USP6: variants seen among roughly 807,000 people sequenced by gnomAD.
USP6 encodes the protein ubiquitin carboxyl-terminal hydrolase 6.
USP6 carries 128 observed loss-of-function variants against 175.7 expected under a neutral mutation model. The ratio of observed to expected loss-of-function variants is 0.73; its 90% confidence interval spans 0.63 to 0.84. The LOEUF (loss-of-function observed/expected upper bound fraction) is 0.84, where lower values mean the gene tolerates loss of function less well. Ranked by LOEUF, USP6 falls within the 40% of genes least tolerant of loss-of-function variation. The probability of loss-of-function intolerance (pLI) is 0.00; values close to 1 mark genes in which losing one functional copy is unlikely to be tolerated. For missense variants in USP6, 1,498 were observed against 1,760.3 expected, an observed-to-expected ratio of 0.85 and a Z score of 2.67; for synonymous variants, 562 against 630.6, an observed-to-expected ratio of 0.89 and a Z score of 1.63.
chr17:5,139,534 CAA>C lies in USP6; in HGVS notation c.1359_1360del (p.Met454AlafsTer18). ...TCCTGGAGATTCCTGGAGTGGAAGTCAATGCCCCGGCTCCCAACGGACCTGGA... is the reference window on the plus strand; with the variant it reads ...TCCTGGAGATTCCTGGAGTGGAAGTCTGCCCCGGCTCCCAACGGACCTGGA... On this transcript the variant is annotated frameshift_variant, in exon 22 of 38. Transcript: ENST00000574788. LOFTEE classifies it high-confidence loss of function. 6.2e-7 allele frequency: 1 copy of C among 1,613,844 alleles called. No homozygotes were observed.
At chr17:5,129,873 A>G in intron 8 of USP6, 63 bp from the exon 9 acceptor site, 1 of 173,422 alleles carries the variant, frequency 5.8e-6, no homozygotes, top group South Asian at 1.4e-4. Flanking sequence ...CTGAAGGGCC[A>G]TGGTAGCCCA....
At chr17:5,130,850 G>A (rs910222019) in intron 11 of USP6, among the ~76,000 whole-genome samples, 166 bp downstream of exon 11, 4 of 152,190 alleles carry the variant, frequency 2.6e-5, no homozygotes, top group African/African-American at 4.8e-5. Context: ...GGTCCAGCCC[G>A]AGGTTGTTGT....
chr17:5,142,547 T>C (rs1366516129), intron 25 of USP6, 45 bp downstream of exon 25: 1 of 1,554,386 alleles, frequency 6.4e-7, no homozygotes, highest in Admixed American at 1.9e-5. Flanking sequence ...TCCTAAATAG[T>C]TGTTTAATCA....
intron 2 of USP6, 120 bp from the exon 3 acceptor site, chr17:5,120,507 C>T (rs1476352922): frequency 6.0e-6 from 2 of 334,040 alleles, no homozygotes; most frequent in African/African-American, 4.3e-5. Context: ...GTTGGCCTAT[C>T]TGTGTCTGTC....
chr17:5,140,208 A>C (rs1229942593), intron 22 of USP6, among the ~76,000 whole-genome samples: 1 of 152,216 alleles, frequency 6.6e-6, no homozygotes, highest in African/African-American at 2.4e-5. Flanking sequence ...AAGGCACTAC[A>C]GTGTCCTCCT....
intron 6 of USP6, among the ~76,000 whole-genome samples, chr17:5,126,321 T>C (rs2072893731): frequency 1.3e-5 from 2 of 152,146 alleles, no homozygotes; most frequent in Non-Finnish European, 2.9e-5. Context: ...GTCGGTTTTT[T>C]ATGGATCCTT....
At chr17:5,117,555 A>T (rs1364862897) in intron 1 of USP6, among the ~76,000 whole-genome samples, 4 of 151,946 alleles carry the variant, frequency 2.6e-5, no homozygotes, top group Non-Finnish European at 5.9e-5. Flanking sequence ...TTTACAGCAC[A>T]AGTGAATAAA....
At position 5,173,037 on chromosome 17, in the gene USP6, A is replaced by G. The variant is rs1057128050; in HGVS notation, c.*59A>G. 4.4e-6 allele frequency: 7 copies of G among 1,574,838 alleles called. No homozygotes were observed. Among genetic ancestry groups the G allele is most frequent in the Non-Finnish European group, 6.1e-6 (7 of 1,155,768 alleles). The stretch of plus-strand genomic sequence containing the variant: ...CGAGGGAGATGACTCCTTGTAGCTG[A>G]TACTTGGCAAAAGTGTCACTGAAAG... On this transcript the variant is annotated 3_prime_UTR_variant, in exon 38 of 38. Transcript: ENST00000574788.
intron 15 of USP6, chr17:5,134,242 C>A (rs1482787265): frequency 7.7e-6 from 4 of 518,882 alleles, no homozygotes; most frequent in Non-Finnish European, 1.4e-5. Context: ...CAAAGAAAAT[C>A]ACACGCAATG....
intron 19 of USP6, 29 bp downstream of exon 19, chr17:5,137,215 A>T (rs1485931375): frequency 6.2e-6 from 10 of 1,610,046 alleles, no homozygotes; most frequent in African/African-American, 1.3e-5. Flanking sequence ...ACCCTGGCTC[A>T]GGGACCCTCC....
At chr17:5,141,980 G>C in intron 23 of USP6, 23 bp from the exon 24 acceptor site, 1 of 1,602,320 alleles carries the variant, frequency 6.2e-7, no homozygotes, top group Non-Finnish European at 8.5e-7. Flanking sequence ...GCTAAGCTTT[G>C]GTTCTCATAT....
At chr17:5,172,314 G>A (rs972913292) in intron 37 of USP6, among the ~76,000 whole-genome samples, 4 of 152,128 alleles carry the variant, frequency 2.6e-5, no homozygotes, top group African/African-American at 9.7e-5. Context: ...GGCGGATCAT[G>A]AGGTCAGGAG....
chr17:5,121,435 G>A lies in USP6; in HGVS notation c.-1614G>A, dbSNP rs566469813. ...AGAGGCCCTGCAGAGCGGCAGGATA[G>A]AGATATGGAGCTCTACATCTCTGTG... On this transcript the variant is annotated 5_prime_UTR_variant, in exon 4 of 38. Coordinates refer to ENST00000574788, the MANE Select transcript of USP6 (RefSeq NM_001304284.2). 6.4e-5 allele frequency: 20 copies of A among 312,332 alleles called. No individual in the cohort carries two copies. Among genetic ancestry groups the A allele is most frequent in the South Asian group, 4.5e-4 (15 of 33,408 alleles). The allele number at this position is 312,332 out of a possible 1,614,324, so 19.3% of individuals were successfully genotyped here.
At chr17:5,153,192 A>T (rs1471069657) in intron 30 of USP6, among the ~76,000 whole-genome samples, 5 of 152,174 alleles carry the variant, frequency 3.3e-5, no homozygotes, top group Non-Finnish European at 7.3e-5. Flanking sequence ...GATTTGGAGG[A>T]AGCAAATGGG....
At chr17:5,127,814 A>G (rs536927874) in intron 7 of USP6, among the ~76,000 whole-genome samples, 175 bp downstream of exon 7, 37 of 152,360 alleles carry the variant, frequency 2.4e-4, no homozygotes, top group African/African-American at 8.9e-4. Flanking sequence ...CATTATGTGT[A>G]ATACAATGCA....
intron 37 of USP6, 42 bp from the exon 38 acceptor site, chr17:5,172,752 TTAGAGTCATAA>T (rs2074254733): frequency 6.2e-7 from 1 of 1,604,112 alleles, no homozygotes; most frequent in Non-Finnish European, 8.5e-7. Flanking sequence ...TGGCAAGGAT[TTAGAGTCATAA>T]TAGTGATGGC....
chr17:5,167,410 A>G (rs114377427), intron 33 of USP6, among the ~76,000 whole-genome samples: 115 of 152,374 alleles, frequency 7.5e-4, no homozygotes, highest in African/African-American at 2.7e-3. Flanking sequence ...AAGAAAAGTT[A>G]TGGTCATATA....
chr17:5,154,798 C>T (rs568465817), intron 30 of USP6, among the ~76,000 whole-genome samples: 2 of 151,918 alleles, frequency 1.3e-5, no homozygotes, highest in African/African-American at 2.4e-5. Context: ...TGTAGTGGCA[C>T]GATCACAGAT....
rs138448773 is a variant in USP6 at position 5,151,431 on chromosome 17, A to ATGTGTGTG, written c.2643+2691_2643+2698dup. Among the ~76,000 whole-genome samples the ATGTGTGTG allele has an allele frequency of 1.8e-4, 26 of 146,656 alleles. 1 individual carries two copies. Among genetic ancestry groups the ATGTGTGTG allele is most frequent in the African/African-American group, 5.7e-4 (23 of 40,186 alleles). ...ATCCCAATAAAAATGCAAAGTCTGC[A>ATGTGTGTG]TGTGTGTGTGTGTGTGTGTGTGTGT... On this transcript the variant is annotated intron_variant, in intron 30 of 37. Transcript: ENST00000574788.
Sources: allele counts gnomAD v4.1 joint callset (sites outside exome capture counted in the v4.1 genomes callset), GRCh38; gene constraint gnomAD v4.1.1; transcripts MANE v1.5; gene names NCBI Gene and HGNC (gene_info 2026-07-23, HGNC 2026-07-21).